RANBP2: variants seen among roughly 807,000 people sequenced by gnomAD.
The protein encoded by RANBP2 is E3 SUMO-protein ligase RanBP2.
Under a neutral mutation model 303.6 loss-of-function variants are expected in RANBP2, and 57 were observed. That is an observed-to-expected ratio of 0.19 (90% CI 0.15 to 0.23). The LOEUF (loss-of-function observed/expected upper bound fraction) is 0.23. Among genes scored for constraint, RANBP2 ranks in the 10% least tolerant of loss-of-function variants. The probability of loss-of-function intolerance (pLI) is 1.00; values close to 1 mark genes in which losing one functional copy is unlikely to be tolerated. For missense variants in RANBP2, 3,138 were observed against 3,780.8 expected (o/e 0.83, Z 4.46); for synonymous variants, 1,167 against 1,301.5 (o/e 0.90, Z 2.23).
At chr2:109,094,940 G>A in the RANBP2 span, among the ~76,000 whole-genome samples, 1 of 152,152 alleles carries the variant, frequency 6.6e-6, no homozygotes, top group Non-Finnish European at 1.5e-5. Context: ...TTTTGTTCAC[G>A]TGACTTTAGT....
At chr2:109,439,969 A>C in the RANBP2 span, among the ~76,000 whole-genome samples, 1 of 152,206 alleles carries the variant, frequency 6.6e-6, no homozygotes, top group Admixed American at 6.5e-5. Flanking sequence ...GGAGTAGGGC[A>C]TATGGAAAGT....
At chr2:109,391,545 T>A in the RANBP2 span, among the ~76,000 whole-genome samples, 1 of 152,112 alleles carries the variant, frequency 6.6e-6, no homozygotes, top group Non-Finnish European at 1.5e-5. Context: ...AAGGGGGGAA[T>A]CTCCTCCAGG....
chr2:109,731,782 C>G, the RANBP2 span, among the ~76,000 whole-genome samples: 2 of 152,050 alleles, frequency 1.3e-5, no homozygotes, highest in Non-Finnish European at 2.9e-5. Flanking sequence ...GCCACTGCGT[C>G]TGGCCTGTTT....
the RANBP2 span, among the ~76,000 whole-genome samples, chr2:109,188,617 T>C: frequency 6.6e-6 from 1 of 152,086 alleles, no homozygotes; most frequent in Non-Finnish European, 1.5e-5. Context: ...TTGCCTATGG[T>C]GAGGGTGCAG....
chr2:108,759,385 C>A (rs1676559683), intron 18 of RANBP2, among the ~76,000 whole-genome samples: 1 of 152,104 alleles, frequency 6.6e-6, no homozygotes, highest in Admixed American at 6.5e-5. Context: ...TGGTGTAACT[C>A]CAAAGCACTT....
At chr2:109,437,038 A>T in the RANBP2 span, 1 of 1,613,114 alleles carries the variant, frequency 6.2e-7, no homozygotes, top group Non-Finnish European at 8.5e-7. Context: ...GCCCATCACC[A>T]CTCCCCAGGC....
the RANBP2 span, among the ~76,000 whole-genome samples, chr2:108,944,893 G>A: frequency 3.3e-5 from 5 of 152,304 alleles, no homozygotes; most frequent in East Asian, 7.7e-4. Context: ...AGGAACTGAC[G>A]CCGGGGAGGT....
chr2:109,452,846 CT>C, the RANBP2 span, among the ~76,000 whole-genome samples: 39 of 149,814 alleles, frequency 2.6e-4, no homozygotes, highest in Non-Finnish European at 5.0e-4. Flanking sequence ...AGGCTGGTCC[CT>C]GGGAGGCTGG....
At chr2:109,243,078 C>T in the RANBP2 span, among the ~76,000 whole-genome samples, 1 of 152,206 alleles carries the variant, frequency 6.6e-6, no homozygotes, top group African/African-American at 2.4e-5. Flanking sequence ...GTTCATATTC[C>T]TGTAGCGTCA....
At chr2:109,294,350 C>T in the RANBP2 span, among the ~76,000 whole-genome samples, 1 of 152,134 alleles carries the variant, frequency 6.6e-6, no homozygotes, top group East Asian at 1.9e-4. Flanking sequence ...CGCTTGAGTC[C>T]AGGAGCTCGA....
chr2:109,197,895 C>T, the RANBP2 span, among the ~76,000 whole-genome samples: 2 of 152,240 alleles, frequency 1.3e-5, no homozygotes, highest in African/African-American at 4.8e-5. Flanking sequence ...TTGCCTTTTG[C>T]ATCAAATCCC....
chr2:108,911,183 G>A, the RANBP2 span: 4 of 1,373,898 alleles, frequency 2.9e-6, no homozygotes, highest in Admixed American at 5.3e-5. Flanking sequence ...ATGCTTTCAG[G>A]GAACCCTGAA....
chr2:109,629,351 ATATATTTTTTT>A, the RANBP2 span, among the ~76,000 whole-genome samples: 1 of 6,558 alleles, frequency 1.5e-4, no homozygotes, highest in African/African-American at 5.0e-4. Context: ...ATATATATAT[ATATATTTTTTT>A]TTTTTTTTTC....
chr2:108,972,871 C>T, the RANBP2 span, among the ~76,000 whole-genome samples: 1 of 152,252 alleles, frequency 6.6e-6, no homozygotes, highest in Non-Finnish European at 1.5e-5. Flanking sequence ...CCTTCTTGAA[C>T]TTTCTTCTAG....
At chr2:109,371,304 C>T in the RANBP2 span, among the ~76,000 whole-genome samples, 13 of 152,226 alleles carry the variant, frequency 8.5e-5, no homozygotes, top group East Asian at 1.9e-4. Flanking sequence ...GCAGGAGAAT[C>T]GCTTGAACCC....
chr2:109,532,678 G>C, the RANBP2 span, among the ~76,000 whole-genome samples: 1 of 152,180 alleles, frequency 6.6e-6, no homozygotes. Flanking sequence ...AGAGAGAGCC[G>C]ACCTGGCAGG....
At chr2:109,288,270 C>T in the RANBP2 span, among the ~76,000 whole-genome samples, 2 of 152,348 alleles carry the variant, frequency 1.3e-5, no homozygotes, top group East Asian at 3.9e-4. Context: ...CTGTCATTAA[C>T]TGTAATTGCT....
At chr2:108,783,103 C>T (rs981287512) in intron 28 of RANBP2, among the ~76,000 whole-genome samples, 2 of 151,902 alleles carry the variant, frequency 1.3e-5, no homozygotes, top group Non-Finnish European at 2.9e-5. Context: ...CTTTAGGAGG[C>T]CAAGGCAGGC....
At chr2:108,732,908 C>T (rs1695284998) in intron 4 of RANBP2, among the ~76,000 whole-genome samples, 1 of 152,226 alleles carries the variant, frequency 6.6e-6, no homozygotes, top group Non-Finnish European at 1.5e-5. Context: ...ACTGCCACCT[C>T]CGCCTCCCAG....
Sources: gnomAD v4.1 joint callset for allele counts (sites outside exome capture counted in the v4.1 genomes callset) on GRCh38, gnomAD v4.1.1 for gene constraint, MANE v1.5 for transcripts, NCBI Gene and HGNC (gene_info 2026-07-23, HGNC 2026-07-21) for gene names.